Variants in SF3B4 observed in about 807,000 individuals in gnomAD.
SF3B4 encodes the protein SAP 49.
In SF3B4, 3 loss-of-function variants were observed where a neutral mutation model predicts 34.3. The observed-to-expected ratio is 0.09, with a 90% confidence interval of 0.04 to 0.23. The LOEUF (loss-of-function observed/expected upper bound fraction) is 0.23. SF3B4 is among the 10% of genes least tolerant of loss of function. The probability of loss-of-function intolerance (pLI) is 1.00; values close to 1 mark genes in which losing one functional copy is unlikely to be tolerated. For missense variants in SF3B4, 283 were observed against 567.2 expected, an observed-to-expected ratio of 0.50 and a Z score of 5.09; for synonymous variants, 216 against 207.8, an observed-to-expected ratio of 1.04 and a Z score of -0.34.
At position 149,925,591 on chromosome 1, in the gene SF3B4, G is replaced by C. The variant is rs1292847670; in HGVS notation, c.913+245C>G. The stretch of plus-strand genomic sequence containing the variant: ...ACCACTTTGAGGTGGAGTCAGAGAA[G>C]AGAATGGAACTAAAGATTAAAGAAA... On this transcript the variant is annotated intron_variant, in intron 4 of 5. Transcript: ENST00000271628. 1.8e-5 allele frequency: 9 copies of C among 508,230 alleles called. No individual in the cohort carries two copies. The Admixed American group carries it at 2.8e-4, about 16-fold the overall frequency. 31.5% of individuals were successfully genotyped at this position (508,230 alleles called of 1,614,324 possible). A position where few individuals can be genotyped will look rare whatever the true frequency, so the allele number is the denominator to read the frequency against.
chr1:149,924,121 G>T, intron 4 of SF3B4, 107 bp from the exon 5 acceptor site: 2 of 956,306 alleles, frequency 2.1e-6, no homozygotes, highest in Non-Finnish European at 1.5e-6. Context: ...ATCAGAAAGA[G>T]AACTATATAG....
At position 149,926,051 on chromosome 1, in the gene SF3B4, GA is replaced by G; in HGVS notation, c.707-10del. 1 of 1,419,320 alleles carries G rather than the reference GA, an allele frequency of 7.0e-7. No homozygotes were observed. The highest frequency in any genetic ancestry group is 1.4e-5 in the African/African-American group (1 of 69,898). 87.9% of individuals were successfully genotyped at this position (1,419,320 alleles called of 1,614,324 possible). On this transcript the variant is annotated splice_polypyrimidine_tract_variant and intron_variant, in intron 3 of 5. Coordinates refer to ENST00000271628, the MANE Select transcript of SF3B4 (RefSeq NM_005850.5). This position sits in a 1 kb window ranked among gnomAD's most constrained non-coding sequence, Gnocchi z 6.2. ...GCCAGGAGGAGGCATGCCTATAGAGGAAATGGAAAAAGGAAGAGTTAATGGT... is the reference window on the plus strand; with the variant it reads ...GCCAGGAGGAGGCATGCCTATAGAGGAATGGAAAAAGGAAGAGTTAATGGT...
chr1:149,927,722 T>C lies in SF3B4; in HGVS notation c.34+4A>G, dbSNP rs918305963. The C allele has an allele frequency of 1.9e-6, 3 of 1,553,026 alleles. No homozygotes were observed. The highest frequency in any genetic ancestry group is 2.7e-5 in the African/African-American group (2 of 73,090). On this transcript the variant is annotated splice_donor_region_variant and intron_variant, in intron 1 of 5. Coordinates refer to ENST00000271628, the MANE Select transcript of SF3B4 (RefSeq NM_005850.5). ...CCCATTCCAGACTTTCCCCCTCCAG[T>C]TACCCTGATTCCGCTCGGAGATCGG...
rs2092592141 is a variant in SF3B4 at position 149,926,736 on chromosome 1, G to A, written c.346C>T (p.Leu116Phe). Residue 116 changes from leucine to phenylalanine, a missense_variant, in exon 3 of 6, where the codon CTT (leucine) becomes TTT (phenylalanine). Physicochemically the swap from Leu to Phe is conservative, Grantham distance 22. Transcript: ENST00000271628. This position sits in a 1 kb window ranked among gnomAD's most constrained non-coding sequence, Gnocchi z 6.2. ...NLDPEIDEKL[L>F]YDTFSAFGVI... ...CCAAAGGCGCTGAAAGTATCATAAA[G>A]CAACTTCTCATCAATCTCAGGGTCC... is the stretch of plus-strand genomic sequence containing the variant. 1 of 1,614,096 alleles carries A rather than the reference G, an allele frequency of 6.2e-7. No individual in the cohort carries two copies. The highest frequency in any genetic ancestry group is 8.5e-7 in the Non-Finnish European group (1 of 1,180,048).
In SF3B4 at chr1:149,923,949, G is replaced by C; in HGVS notation, c.979C>G (p.Pro327Ala). The change falls in exon 5 of 6, where the codon CCA becomes GCA. Residue 327 changes from proline (P) to alanine (A), a missense_variant. By Grantham distance (27) the Pro-to-Ala change is conservative. This residue lies in a region of SF3B4 where 208 missense variants were observed against 292.6 expected (regional missense o/e 0.71). Coordinates refer to ENST00000271628, the MANE Select transcript of SF3B4 (RefSeq NM_005850.5). ...GGCGGTGGCTGGCCCCCAGAGCCTGGGGGTCCAGCGTGGGGATGTCCTAAG... is the reference window on the plus strand; with the variant it reads ...GGCGGTGGCTGGCCCCCAGAGCCTGCGGGTCCAGCGTGGGGATGTCCTAAG... ...HGLGHPHAGP[P>A]GSGGQPPPRP... The C allele has an allele frequency of 6.3e-7, 1 of 1,589,178 alleles. No homozygotes were observed. The highest frequency in any genetic ancestry group is 8.5e-7 in the Non-Finnish European group (1 of 1,172,420).
chr1:149,925,993 G>A lies in SF3B4; in HGVS notation c.756C>T (p.Ala252=). The A allele has an allele frequency of 2.0e-6, 3 of 1,508,334 alleles. No individual in the cohort carries two copies. The highest frequency in any genetic ancestry group is 2.7e-6 in the Non-Finnish European group (3 of 1,126,626). 93.4% of individuals were successfully genotyped at this position (1,508,334 alleles called of 1,614,324 possible). ...TGGCTGGGGGTATCCCAGGTGGGAG[G>A]GCTCCAGGAGGTGGCACTGGGGGTG... ...SFPPPVPPPG[A]LPPGIPPAMP... is the part of the protein sequence containing the mutation. Residue 252 remains alanine (A), a synonymous_variant, in exon 4 of 6, where the codon GCC becomes GCT. Coordinates refer to ENST00000271628, the MANE Select transcript of SF3B4 (RefSeq NM_005850.5).
chr1:149,925,690 C>T, intron 4 of SF3B4, 146 bp downstream of exon 4: 1 of 733,290 alleles, frequency 1.4e-6, no homozygotes, highest in East Asian at 2.7e-5. Flanking sequence ...TGTTAGAGAG[C>T]ATTTTGTATG....
At position 149,923,466 on chromosome 1, in the gene SF3B4, G is replaced by A. The variant is rs918039959; in HGVS notation, c.*76C>T. 60 of 1,191,442 alleles carry A rather than the reference G, an allele frequency of 5.0e-5. No individual in the cohort carries two copies. Among genetic ancestry groups the A allele is most frequent in the Admixed American group, 3.0e-4 (10 of 33,072 alleles). 73.8% of individuals were successfully genotyped at this position (1,191,442 alleles called of 1,614,324 possible). The stretch of plus-strand genomic sequence containing the variant: ...GGGATTAGTACCTTTGCCCCAAGGA[G>A]CTACAGCATCTCTGATTGGTCCAAG... On this transcript the variant is annotated 3_prime_UTR_variant, in exon 6 of 6. Coordinates refer to ENST00000271628, the MANE Select transcript of SF3B4 (RefSeq NM_005850.5).
rs2092587477 is a variant in SF3B4, at chr1:149,925,968, T to C, written c.781A>G (p.Met261Val). The C allele has an allele frequency of 6.6e-7, 1 of 1,507,224 alleles. No individual in the cohort carries two copies. The highest frequency in any genetic ancestry group is 1.8e-4 in the Middle Eastern group (1 of 5,614). 93.4% of individuals were successfully genotyped at this position (1,507,224 alleles called of 1,614,324 possible). The change falls in exon 4 of 6, where the codon ATG (methionine) becomes GTG (valine). Residue 261 changes from methionine (M) to valine (V), a missense_variant. Physicochemically the swap from Met to Val is conservative, Grantham distance 21. Transcript: ENST00000271628. Reference protein sequence around the residue: ...GALPPGIPPAMPPPPMPPGAA... With the variant: ...GALPPGIPPAVPPPPMPPGAA... ...CCAGGAGGCATAGGTGGTGGGGGCA[T>C]GGCTGGGGGTATCCCAGGTGGGAGG...
At position 149,926,073 on chromosome 1, in the gene SF3B4, A is replaced by G. The variant is rs781877314; in HGVS notation, c.707-31T>C. On this transcript the variant is annotated intron_variant, in intron 3 of 5. Coordinates refer to ENST00000271628, the MANE Select transcript of SF3B4 (RefSeq NM_005850.5). The surrounding 1 kb of genome is among the most constrained non-coding windows in gnomAD (Gnocchi z 6.2). Reference sequence around the variant, plus strand: ...GAGGAAATGGAAAAAGGAAGAGTTAATGGTAGTGAGGAGAAAATGTCTTTA... The same window carrying G: ...GAGGAAATGGAAAAAGGAAGAGTTAGTGGTAGTGAGGAGAAAATGTCTTTA... 10 of 1,136,684 alleles carry G rather than the reference A, an allele frequency of 8.8e-6. No individual in the cohort carries two copies. In the South Asian group the frequency reaches 1.6e-4, roughly 18 times the overall value. 70.4% of individuals were successfully genotyped at this position (1,136,684 alleles called of 1,614,324 possible).
rs782428796 is a variant in SF3B4, at chr1:149,923,432, G to A, written c.*110C>T. The A allele has an allele frequency of 2.5e-4, 192 of 760,532 alleles. No homozygotes were observed. The Admixed American group carries it at 2.7e-3, about 11-fold the overall frequency. The allele number at this position is 760,532 out of a possible 1,614,324, so 47.1% of individuals were successfully genotyped here. Reference sequence around the variant, plus strand: ...CATTAAAAAGGGGAATGGAGTGGGGGTGCTGAAAGGGATTAGTACCTTTGC... The same window carrying A: ...CATTAAAAAGGGGAATGGAGTGGGGATGCTGAAAGGGATTAGTACCTTTGC... On this transcript the variant is annotated 3_prime_UTR_variant, in exon 6 of 6. Transcript: ENST00000271628.
rs75973795 is a variant in SF3B4, at chr1:149,927,414, A to G, written c.35-120T>C. Reference sequence around the variant, plus strand: ...GGGGACCGCGGTAGGGGACAGGAGCAAAAAAAAAAGTTTAAACCCTTAAAC... The same window carrying G: ...GGGGACCGCGGTAGGGGACAGGAGCGAAAAAAAAAGTTTAAACCCTTAAAC... On this transcript the variant is annotated intron_variant, in intron 1 of 5. Coordinates refer to ENST00000271628, the MANE Select transcript of SF3B4 (RefSeq NM_005850.5). 3.3e-6 allele frequency: 3 copies of G among 895,824 alleles called. No individual in the cohort carries two copies. The African/African-American group carries it at 5.1e-5, about 15-fold the overall frequency. The allele number at this position is 895,824 out of a possible 1,614,324, so 55.5% of individuals were successfully genotyped here.
At position 149,926,542 on chromosome 1, in the gene SF3B4, C is replaced by T. The variant is rs782675212; in HGVS notation, c.540G>A (p.Lys180=). 41 of 1,614,048 alleles carry T rather than the reference C, an allele frequency of 2.5e-5. No individual in the cohort carries two copies. The African/African-American group carries it at 4.8e-4, about 19-fold the overall frequency. Residue 180 remains lysine (K), a synonymous_variant, in exon 3 of 6, where the codon AAG becomes AAA. Transcript: ENST00000271628. This position sits in a 1 kb window ranked among gnomAD's most constrained non-coding sequence, Gnocchi z 6.2. The stretch of plus-strand genomic sequence containing the variant: ...AGCCATGGCGCTCACCCTTGGAGTC[C>T]TTCTTGAAGGCATAAGATACGGTGA... ...RPITVSYAFK[K]DSKGERHGSA...
At position 149,923,673 on chromosome 1, in the gene SF3B4, G is replaced by A. The variant is rs1230371819; in HGVS notation, c.1144C>T (p.Pro382Ser). ...CGTGGAGGGCCAGTGTATCCATGGG[G>A]GGGCATCAGTGGAGGAGGTCCACGC... Reference protein sequence around the residue: ...GMRGPPPLMPPHGYTGPPRPP... With the variant: ...GMRGPPPLMPSHGYTGPPRPP... Residue 382 changes from proline to serine, a missense_variant, in exon 6 of 6, where the codon CCC becomes TCC. Transcript: ENST00000271628. 3.3e-6 allele frequency: 5 copies of A among 1,527,658 alleles called. No individual in the cohort carries two copies. Among genetic ancestry groups the A allele is most frequent in the Non-Finnish European group, 4.4e-6 (5 of 1,148,858 alleles). The allele number at this position is 1,527,658 out of a possible 1,614,324, so 94.6% of individuals were successfully genotyped here.
intron 1 of SF3B4, 32 bp from the exon 2 acceptor site, chr1:149,927,326 G>A (rs781988019): frequency 9.3e-6 from 15 of 1,609,820 alleles, no homozygotes; most frequent in Non-Finnish European, 1.3e-5. Context: ...GAGCAAGCGT[G>A]AGAGTGTAAC....
intron 5 of SF3B4, 43 bp from the exon 6 acceptor site, chr1:149,923,772 G>C: frequency 6.6e-7 from 1 of 1,522,946 alleles, no homozygotes; most frequent in Non-Finnish European, 8.8e-7. Flanking sequence ...ACGGGACAAG[G>C]GGTGTGCCTA....
intron 4 of SF3B4, 65 bp downstream of exon 4, chr1:149,925,771 G>T: frequency 1.7e-6 from 2 of 1,184,954 alleles, no homozygotes; most frequent in Non-Finnish European, 2.5e-6. Context: ...AAGGGCAGCA[G>T]GGTGAGTGGT....
chr1:149,926,077 T>C lies in SF3B4; in HGVS notation c.707-35A>G. On this transcript the variant is annotated intron_variant, in intron 3 of 5. Coordinates refer to ENST00000271628, the MANE Select transcript of SF3B4 (RefSeq NM_005850.5). The surrounding 1 kb of genome is among the most constrained non-coding windows in gnomAD (Gnocchi z 6.2). ...AAATGGAAAAAGGAAGAGTTAATGG[T>C]AGTGAGGAGAAAATGTCTTTAAAGA... The C allele has an allele frequency of 9.4e-7, 1 of 1,068,262 alleles. No individual in the cohort carries two copies. Among genetic ancestry groups the C allele is most frequent in the Middle Eastern group, 2.1e-4 (1 of 4,724 alleles). The allele number at this position is 1,068,262 out of a possible 1,614,324, so 66.2% of individuals were successfully genotyped here. A position where few individuals can be genotyped will look rare whatever the true frequency, so the allele number is the denominator to read the frequency against.
Position 149,927,147 on chromosome 1 carries a change from C to T in SF3B4, c.163+19G>A, listed in dbSNP as rs781996437. On this transcript the variant is annotated intron_variant, in intron 2 of 5. Transcript: ENST00000271628. ...GCTGGGACCCTCCGGGAGCAATTCG[C>T]CCCTTGTCATGTACTCACCTTGGTG... The T allele has an allele frequency of 6.2e-7, 1 of 1,612,362 alleles. No homozygotes were observed. The highest frequency in any genetic ancestry group is 8.5e-7 in the Non-Finnish European group (1 of 1,179,454).
Sources: gnomAD v4.1 joint callset for allele counts on GRCh38, gnomAD v4.1.1 for gene constraint, gnomAD v4.1.1 regional missense constraint, Gnocchi (gnomAD v3.1) non-coding constraint, MANE v1.5 for transcripts, NCBI Gene and HGNC (gene_info 2026-07-23, HGNC 2026-07-21) for gene names.